ZNF197: variants seen among roughly 807,000 people sequenced by gnomAD.
ZNF197 encodes the protein zinc finger protein 197.
In ZNF197, 14 loss-of-function variants were observed where a neutral mutation model predicts 27.4. That is an observed-to-expected ratio of 0.51 (90% CI 0.34 to 0.80). The LOEUF (loss-of-function observed/expected upper bound fraction) is 0.80. Ranked by LOEUF, ZNF197 falls within the 30% of genes least tolerant of loss-of-function variation. ZNF197 has a pLI of 0.02. For synonymous variants in ZNF197, 415 were observed against 420.0 expected (o/e 0.99, Z 0.15); for missense variants, 1,090 against 1,222.6 (o/e 0.89, Z 1.62).
In ZNF197 at chr3:44,643,508, A is replaced by G. The variant is rs1483870298; in HGVS notation, c.2378A>G (p.Asp793Gly). ...AGTGGTGAGAAACCCTATGAGTGTG[A>G]TGAGTGTGGCAAATGCTTCATTCTG... ...IHSGEKPYECDECGKCFILKK... is the reference protein window; with the variant it reads ...IHSGEKPYECGECGKCFILKK... The change falls in exon 6 of 6, where the codon GAT (aspartate) becomes GGT (glycine). Residue 793 changes from aspartate to glycine, a missense_variant. Coordinates refer to ENST00000344387, the MANE Select transcript of ZNF197 (RefSeq NM_006991.5). 2 of 1,614,076 alleles carry G rather than the reference A, an allele frequency of 1.2e-6. No individual in the cohort carries two copies. The highest frequency in any genetic ancestry group is 1.7e-6 in the Non-Finnish European group (2 of 1,180,024).
rs1055590411 is a variant in ZNF197, at chr3:44,645,878, T to C, written c.*1658T>C. 36 of 985,310 alleles carry C rather than the reference T, an allele frequency of 3.7e-5. No individual in the cohort carries two copies. Among genetic ancestry groups the C allele is most frequent in the Non-Finnish European group, 4.2e-5 (35 of 829,936 alleles). The allele number at this position is 985,310 out of a possible 1,614,324, so 61.0% of individuals were successfully genotyped here. On this transcript the variant is annotated 3_prime_UTR_variant, in exon 6 of 6. Transcript: ENST00000344387. ...AACCATTCTGTGCCCTTGAGTACATTTGTGGGTTTAACTCAGTCTATATTC... is the reference window on the plus strand; with the variant it reads ...AACCATTCTGTGCCCTTGAGTACATCTGTGGGTTTAACTCAGTCTATATTC...
At position 44,631,227 on chromosome 3, in the gene ZNF197, T is replaced by C. The variant is rs747263858; in HGVS notation, c.550+6T>C. The C allele has an allele frequency of 6.2e-7, 1 of 1,614,056 alleles. No individual in the cohort carries two copies. The highest frequency in any genetic ancestry group is 1.1e-5 in the South Asian group (1 of 91,074). On this transcript the variant is annotated splice_donor_region_variant and intron_variant, in intron 3 of 5. Coordinates refer to ENST00000344387, the MANE Select transcript of ZNF197 (RefSeq NM_006991.5). The stretch of plus-strand genomic sequence containing the variant: ...CCTCCAGGATCCTCAGCATGGTATT[T>C]ACTCAGTGCTCTGGGTTTTGGGCTG...
chr3:44,631,029 C>T, intron 2 of ZNF197, 33 bp from the exon 3 acceptor site: 2 of 1,613,294 alleles, frequency 1.2e-6, no homozygotes, highest in Non-Finnish European at 1.7e-6. Context: ...TCTTAAGAAA[C>T]AAGAAGAGCT....
Position 44,644,128 on chromosome 3 carries a change from A to G in ZNF197, c.2998A>G (p.Asn1000Asp), listed in dbSNP as rs780058027. ...VSEKEFSQTS[N>D]LHLQQKIHTI... is the part of the protein sequence containing the mutation. The stretch of plus-strand genomic sequence containing the variant: ...TGAAAAAGAATTCTCTCAGACTTCC[A>G]ACCTTCATCTTCAACAGAAAATCCA... Residue 1000 changes from asparagine to aspartate, a missense_variant, in exon 6 of 6, where the codon AAC (asparagine) becomes GAC (aspartate). Coordinates refer to ENST00000344387, the MANE Select transcript of ZNF197 (RefSeq NM_006991.5). 18 of 1,613,998 alleles carry G rather than the reference A, an allele frequency of 1.1e-5. 1 individual carries two copies. In the South Asian group the frequency reaches 2.0e-4, roughly 18 times the overall value.
rs1266440541 is a variant in ZNF197, at chr3:44,644,777, T to C, written c.*557T>C. ...GCTCACTCCTGTAGTCCCAGGACTTTGGGAGGCCGAGGTGGGAAGATCCCT... is the reference window on the plus strand; with the variant it reads ...GCTCACTCCTGTAGTCCCAGGACTTCGGGAGGCCGAGGTGGGAAGATCCCT... On this transcript the variant is annotated 3_prime_UTR_variant, in exon 6 of 6. Coordinates refer to ENST00000344387, the MANE Select transcript of ZNF197 (RefSeq NM_006991.5). 1 of 985,346 alleles carries C rather than the reference T, an allele frequency of 1.0e-6. No individual in the cohort carries two copies. Among genetic ancestry groups the C allele is most frequent in the Non-Finnish European group, 1.2e-6 (1 of 829,838 alleles). 61.0% of individuals were successfully genotyped at this position (985,346 alleles called of 1,614,324 possible).
Position 44,641,892 on chromosome 3 carries a change from T to C in ZNF197, c.770-8T>C. On this transcript the variant is annotated splice_region_variant and splice_polypyrimidine_tract_variant and intron_variant, in intron 5 of 5. Coordinates refer to ENST00000344387, the MANE Select transcript of ZNF197 (RefSeq NM_006991.5). ...GGTAACATTTGCATTTTTAATTCCT[T>C]TTACCAGAATGGGAGACCATGACCG... The C allele has an allele frequency of 6.4e-7, 1 of 1,569,804 alleles. No homozygotes were observed. Among genetic ancestry groups the C allele is most frequent in the Non-Finnish European group, 8.6e-7 (1 of 1,161,818 alleles).
intron 1 of ZNF197, among the ~76,000 whole-genome samples, chr3:44,627,830 CAAA>C (rs536166949): frequency 8.2e-5 from 7 of 85,452 alleles, no homozygotes; most frequent in Admixed American, 1.3e-4. Context: ...GACTCCATCT[CAAA>C]AAAAAAAAAA....
intron 5 of ZNF197, 136 bp from the exon 6 acceptor site, chr3:44,641,762 TTC>T: frequency 2.0e-6 from 2 of 989,702 alleles, no homozygotes; most frequent in South Asian, 1.9e-5. Context: ...TCTTTGTACC[TTC>T]CTTTAATGAA....
intron 5 of ZNF197, 113 bp downstream of exon 5, chr3:44,632,712 G>T (rs566392282): frequency 2.4e-6 from 3 of 1,259,292 alleles, no homozygotes; most frequent in Non-Finnish European, 3.1e-6. Context: ...TTACAAAGAA[G>T]AAAAAAACCT....
In ZNF197 at chr3:44,645,603, T is replaced by C; in HGVS notation, c.*1383T>C. On this transcript the variant is annotated 3_prime_UTR_variant, in exon 6 of 6. Transcript: ENST00000344387. The stretch of plus-strand genomic sequence containing the variant: ...TCAAAATGGAAGGGCAGTGGTACCC[T>C]GCTTTCCCTATTCAGAGGGAAAAAA... 2.0e-6 allele frequency: 2 copies of C among 985,436 alleles called. No individual in the cohort carries two copies. The highest frequency in any genetic ancestry group is 2.4e-6 in the Non-Finnish European group (2 of 829,932). The allele number at this position is 985,436 out of a possible 1,614,324, so 61.0% of individuals were successfully genotyped here. A position where few individuals can be genotyped will look rare whatever the true frequency, so the allele number is the denominator to read the frequency against.
At chr3:44,633,044 C>CAT (rs143390765) in intron 5 of ZNF197, among the ~76,000 whole-genome samples, 2,041 of 152,218 alleles carry the variant, frequency 0.013, 46 homozygotes, top group African/African-American at 0.047. Context: ...AATTACTGGG[C>CAT]ATAAGTGTTT....
In ZNF197 at chr3:44,643,318, C is replaced by A; in HGVS notation, c.2188C>A (p.Gln730Lys). ...SFMVHQKLHT[Q>K]EKAYKCEDCG... ...TATGGTCCATCAGAAACTCCATACA[C>A]AAGAGAAAGCCTACAAATGTGAGGA... Residue 730 changes from glutamine to lysine, a missense_variant, in exon 6 of 6, where the codon CAA becomes AAA. By Grantham distance (53) the Gln-to-Lys change is moderately conservative. Coordinates refer to ENST00000344387, the MANE Select transcript of ZNF197 (RefSeq NM_006991.5). 1 of 1,613,676 alleles carries A rather than the reference C, an allele frequency of 6.2e-7. No individual in the cohort carries two copies. The highest frequency in any genetic ancestry group is 8.5e-7 in the Non-Finnish European group (1 of 1,179,894).
rs145556829 is a variant in ZNF197, at chr3:44,646,395, T to A, written c.*2175T>A. 1.8e-4 allele frequency: 283 copies of A among 1,595,896 alleles called. 2 individuals carry two copies. The East Asian group carries it at 6.0e-3, about 34-fold the overall frequency. ...GTAACAAAATGTCACATTGCTTAGATTGAGACAGCCCACATAATGTGCCAC... is the reference window on the plus strand; with the variant it reads ...GTAACAAAATGTCACATTGCTTAGAATGAGACAGCCCACATAATGTGCCAC... On this transcript the variant is annotated 3_prime_UTR_variant, in exon 6 of 6. Coordinates refer to ENST00000344387, the MANE Select transcript of ZNF197 (RefSeq NM_006991.5).
Position 44,629,397 on chromosome 3 carries a change from C to G in ZNF197, c.243C>G (p.Ile81Met), listed in dbSNP as rs755481794. 6 of 1,614,032 alleles carry G rather than the reference C, an allele frequency of 3.7e-6. No individual in the cohort carries two copies. The highest frequency in any genetic ancestry group is 3.3e-5 in the South Asian group (3 of 91,074). Reference protein sequence around the residue: ...LRPEARTKAQILELLVLEQFL... With the variant: ...LRPEARTKAQMLELLVLEQFL... ...CAGAAGCACGCACCAAGGCACAGAT[C>G]CTGGAGCTGCTGGTGCTGGAGCAGT... is the stretch of plus-strand genomic sequence containing the variant. The change falls in exon 2 of 6, where the codon ATC (isoleucine) becomes ATG (methionine). Residue 81 changes from isoleucine (I) to methionine (M), a missense_variant. By Grantham distance (10) the Ile-to-Met change is conservative. Coordinates refer to ENST00000344387, the MANE Select transcript of ZNF197 (RefSeq NM_006991.5).
Position 44,642,191 on chromosome 3 carries a change from G to C in ZNF197, c.1061G>C (p.Gly354Ala), listed in dbSNP as rs778817218. 6.2e-7 allele frequency: 1 copy of C among 1,614,116 alleles called. No individual in the cohort carries two copies. Among genetic ancestry groups the C allele is most frequent in the Non-Finnish European group, 8.5e-7 (1 of 1,179,998 alleles). The change falls in exon 6 of 6, where the codon GGT becomes GCT. Residue 354 changes from glycine to alanine, a missense_variant. Transcript: ENST00000344387. ...GAATTAGGAGACAGCTTGACTTTCG[G>C]TTCAGCTATTTCTGAAAGTTTAATA... is the stretch of plus-strand genomic sequence containing the variant. The part of the protein sequence containing the change: ...WKELGDSLTF[G>A]SAISESLIGT...
intron 1 of ZNF197, among the ~76,000 whole-genome samples, chr3:44,625,710 C>T (rs1170470134): frequency 2.0e-5 from 3 of 151,828 alleles, no homozygotes; most frequent in Non-Finnish European, 4.4e-5. Flanking sequence ...GTACTAAGAC[C>T]GTAAACTCAG....
At chr3:44,635,145 C>G (rs1702212828) in intron 5 of ZNF197, among the ~76,000 whole-genome samples, 1 of 149,850 alleles carries the variant, frequency 6.7e-6, no homozygotes, top group Admixed American at 6.6e-5. Flanking sequence ...AAAATAAATT[C>G]CAGATAGGTC....
chr3:44,646,474 T>C lies in ZNF197; in HGVS notation c.*2254T>C, dbSNP rs535356414. 6.2e-7 allele frequency: 1 copy of C among 1,610,082 alleles called. No homozygotes were observed. Among genetic ancestry groups the C allele is most frequent in the East Asian group, 2.2e-5 (1 of 44,832 alleles). On this transcript the variant is annotated 3_prime_UTR_variant, in exon 6 of 6. Transcript: ENST00000344387. ...TTCAACCTGAATTTAATCAAGCTTC[T>C]TGGACCTCATTGCCAGGTTACAGGA...
In ZNF197 at chr3:44,631,232, A is replaced by C. The variant is rs1701974379; in HGVS notation, c.550+11A>C. ...AGGATCCTCAGCATGGTATTTACTC[A>C]GTGCTCTGGGTTTTGGGCTGTTCAA... is the stretch of plus-strand genomic sequence containing the variant. On this transcript the variant is annotated intron_variant, in intron 3 of 5. Coordinates refer to ENST00000344387, the MANE Select transcript of ZNF197 (RefSeq NM_006991.5). 6.2e-7 allele frequency: 1 copy of C among 1,613,696 alleles called. No homozygotes were observed. The highest frequency in any genetic ancestry group is 8.5e-7 in the Non-Finnish European group (1 of 1,179,844).
Sources: allele counts gnomAD v4.1 joint callset (sites outside exome capture counted in the v4.1 genomes callset), GRCh38; gene constraint gnomAD v4.1.1; transcripts MANE v1.5; gene names NCBI Gene and HGNC (gene_info 2026-07-23, HGNC 2026-07-21).